Variants in AFF4 observed in about 807,000 individuals in gnomAD.
AFF4 encodes ALF transcription elongation factor 4.
In AFF4, 13 loss-of-function variants were observed where a neutral mutation model predicts 124.8. The observed-to-expected ratio is 0.10, with a 90% CI of 0.07 to 0.17. AFF4 has a LOEUF of 0.17. Ranked by LOEUF, AFF4 falls within the 10% of genes least tolerant of loss-of-function variation. The probability of loss-of-function intolerance (pLI) is 1.00; values close to 1 mark genes in which losing one functional copy is unlikely to be tolerated. For missense variants in AFF4, 1,092 were observed against 1,403.8 expected (o/e 0.78, Z 3.55); for synonymous variants, 477 against 496.1 (o/e 0.96, Z 0.51).
chr5:132,890,946 C>A (rs73788221), intron 13 of AFF4, among the ~76,000 whole-genome samples: 1 of 151,562 alleles, frequency 6.6e-6, no homozygotes, highest in African/African-American at 2.4e-5. Flanking sequence ...TTTTTACCTA[C>A]GAGATAGCAG....
intron 5 of AFF4, among the ~76,000 whole-genome samples, chr5:132,926,528 A>G (rs1012400166): frequency 1.4e-4 from 21 of 149,976 alleles, no homozygotes; most frequent in African/African-American, 3.4e-4. Flanking sequence ...TCTGCAATAA[A>G]TACCACTGTC....
chr5:132,909,507 G>C (rs1295930917), intron 5 of AFF4, among the ~76,000 whole-genome samples: 1 of 152,092 alleles, frequency 6.6e-6, no homozygotes, highest in Non-Finnish European at 1.5e-5. Flanking sequence ...ATTATGAAAA[G>C]ATACATATAG....
At chr5:132,887,758 C>T in intron 16 of AFF4, 88 bp downstream of exon 16, 1 of 1,547,492 alleles carries the variant, frequency 6.5e-7, no homozygotes, top group South Asian at 1.2e-5. Context: ...ATTATACACC[C>T]TCTTCAGTTT....
In AFF4 at chr5:132,940,749, G is replaced by A. The variant is rs188739438; in HGVS notation, c.-4-3556C>T. ...ATTAACTCACTGTAATAATTAGGTC[G>A]GGTGCTGTGGCTCACTCCTGTAATC... is the stretch of plus-strand genomic sequence containing the variant. On this transcript the variant is annotated intron_variant, in intron 1 of 20. Transcript: ENST00000265343. Among the ~76,000 whole-genome samples the A allele has an allele frequency of 1.7e-4, 26 of 152,086 alleles. No homozygotes were observed. In the East Asian group the frequency reaches 4.6e-3, roughly 27 times the overall value.
chr5:132,913,657 G>C (rs1221840886), intron 5 of AFF4, among the ~76,000 whole-genome samples: 1 of 152,098 alleles, frequency 6.6e-6, no homozygotes, highest in Non-Finnish European at 1.5e-5. Flanking sequence ...GCTCAGGCTG[G>C]TCTCAAACTT....
chr5:132,890,993 C>T (rs1337364637), intron 13 of AFF4, among the ~76,000 whole-genome samples: 3 of 150,462 alleles, frequency 2.0e-5, no homozygotes, highest in Admixed American at 6.6e-5. Flanking sequence ...TATTTAAAAG[C>T]AAATAAATAA....
intron 12 of AFF4, 127 bp from the exon 13 acceptor site, chr5:132,892,531 T>G (rs1238814531): frequency 5.2e-6 from 7 of 1,334,204 alleles, no homozygotes; most frequent in Non-Finnish European, 7.1e-6. Context: ...GGACACATGA[T>G]TTCTATAAAA....
chr5:132,950,821 A>G (rs1025905364), intron 1 of AFF4, among the ~76,000 whole-genome samples: 3 of 152,214 alleles, frequency 2.0e-5, no homozygotes, highest in African/African-American at 7.2e-5. Context: ...GCTATCTTCT[A>G]GACCTTTAGC....
In AFF4 at chr5:132,934,751, C is replaced by A; in HGVS notation, c.314G>T (p.Ser105Ile). Residue 105 changes from serine (S) to isoleucine (I), a missense_variant, in exon 3 of 21, where the codon AGT becomes ATT. Around this residue, in one of 11 missense-constraint regions of AFF4, gnomAD observed 188 missense variants for 203.0 expected, o/e 0.93. Coordinates refer to ENST00000265343, the MANE Select transcript of AFF4 (RefSeq NM_014423.4). ...FEQRHGGSHQ[S>I]SKWTPVGPAP... The stretch of plus-strand genomic sequence containing the variant: ...GGGTCCTACTGGAGTCCATTTGCTA[C>A]TCTGATGAGAGCCTCCATGTCTCTG... 1 of 1,614,112 alleles carries A rather than the reference C, an allele frequency of 6.2e-7. No individual in the cohort carries two copies.
chr5:132,936,888 T>C (rs1761445061), intron 2 of AFF4, among the ~76,000 whole-genome samples, 179 bp downstream of exon 2: 1 of 152,210 alleles, frequency 6.6e-6, no homozygotes, highest in Non-Finnish European at 1.5e-5. Flanking sequence ...TCTGTAAGCA[T>C]AATATACTCC....
In AFF4 at chr5:132,932,166, T is replaced by TA; in HGVS notation, c.963+11dup. The TA allele has an allele frequency of 1.3e-6, 2 of 1,577,140 alleles. No individual in the cohort carries two copies. The highest frequency in any genetic ancestry group is 3.7e-5 in the Admixed American group (2 of 54,298). Reference sequence around the variant, plus strand: ...TTAAAGAAATTGAAATGATTTTTTTTAAAAAACTTACTTTTAGGATTTCAT... The same window carrying TA: ...TTAAAGAAATTGAAATGATTTTTTTTAAAAAAACTTACTTTTAGGATTTCAT... On this transcript the variant is annotated intron_variant, in intron 4 of 20. Coordinates refer to ENST00000265343, the MANE Select transcript of AFF4 (RefSeq NM_014423.4).
chr5:132,958,543 G>A, intron 1 of AFF4, among the ~76,000 whole-genome samples: 1 of 151,762 alleles, frequency 6.6e-6, no homozygotes. Context: ...ACTGGAGTGG[G>A]GTGAAGAATT....
chr5:132,921,910 G>T (rs1761057774), intron 5 of AFF4, among the ~76,000 whole-genome samples: 1 of 150,928 alleles, frequency 6.6e-6, no homozygotes, highest in Admixed American at 6.6e-5. Context: ...CATCCTGAGT[G>T]GCTGAGACTA....
chr5:132,960,187 T>C (rs1159463265), intron 1 of AFF4, among the ~76,000 whole-genome samples: 5 of 152,104 alleles, frequency 3.3e-5, no homozygotes, highest in Non-Finnish European at 7.4e-5. Context: ...AGAAATCAAA[T>C]AGAATTGTTC....
intron 5 of AFF4, among the ~76,000 whole-genome samples, chr5:132,906,293 C>A (rs1012057801): frequency 6.6e-6 from 1 of 152,182 alleles, no homozygotes; most frequent in African/African-American, 2.4e-5. Context: ...TATGTCCACA[C>A]AAACACTTCT....
Position 132,935,470 on chromosome 5 carries a change from A to G in AFF4, c.124-529T>C, listed in dbSNP as rs147394322. Among the ~76,000 whole-genome samples, 272 of 152,234 alleles carry G rather than the reference A, an allele frequency of 1.8e-3. 2 individuals are homozygous for G. The highest frequency in any genetic ancestry group is 6.3e-3 in the African/African-American group (262 of 41,542). On this transcript the variant is annotated intron_variant, in intron 2 of 20. Transcript: ENST00000265343. Reference sequence around the variant, plus strand: ...GTGAAAACCCATTTCTAGCAAAAATACAAACGTTAGCCGGGTGTGGCCAGA... The same window carrying G: ...GTGAAAACCCATTTCTAGCAAAAATGCAAACGTTAGCCGGGTGTGGCCAGA...
intron 5 of AFF4, among the ~76,000 whole-genome samples, chr5:132,906,829 G>T (rs1398765315): frequency 6.6e-6 from 1 of 152,098 alleles, no homozygotes; most frequent in African/African-American, 2.4e-5. Flanking sequence ...GATGGGTGTG[G>T]TGGCTTATGC....
chr5:132,950,233 T>C (rs911202380), intron 1 of AFF4, among the ~76,000 whole-genome samples: 3 of 152,136 alleles, frequency 2.0e-5, no homozygotes, highest in African/African-American at 7.2e-5. Flanking sequence ...TCCAGCACCT[T>C]GGGAGGCCGA....
intron 5 of AFF4, among the ~76,000 whole-genome samples, chr5:132,922,924 C>T (rs1007407231): frequency 6.6e-6 from 1 of 151,896 alleles, no homozygotes; most frequent in Non-Finnish European, 1.5e-5. Flanking sequence ...CATCTGTAAT[C>T]CCAGCACTTT....
Sources: gnomAD v4.1 joint callset for allele counts (sites outside exome capture counted in the v4.1 genomes callset) on GRCh38, gnomAD v4.1.1 for gene constraint, gnomAD v4.1.1 regional missense constraint, MANE v1.5 for transcripts, NCBI Gene and HGNC (gene_info 2026-07-23, HGNC 2026-07-21) for gene names.